Variants in CD163L1 observed in about 807,000 individuals in gnomAD.
CD163L1 encodes scavenger receptor cysteine-rich type 1 protein M160.
Under a neutral mutation model 165.4 loss-of-function variants are expected in CD163L1, and 124 were observed. The ratio of observed to expected loss-of-function variants is 0.75; its 90% CI spans 0.65 to 0.87. CD163L1 has a LOEUF of 0.87. CD163L1 is among the 40% of genes least tolerant of loss of function. The pLI, the probability that CD163L1 is intolerant of heterozygous loss-of-function variation, is 0.00. For synonymous variants in CD163L1, 585 were observed against 662.2 expected (o/e 0.88, Z 1.79); for missense variants, 1,525 against 1,799.9 (o/e 0.85, Z 2.76).
chr12:7,370,126 C>T (rs780141724), intron 14 of CD163L1, among the ~76,000 whole-genome samples: 3 of 152,238 alleles, frequency 2.0e-5, no homozygotes, highest in African/African-American at 7.2e-5. Flanking sequence ...ACTTTACTCC[C>T]TGTAAGTATG....
chr12:7,325,107 T>C, the CD163L1 span, among the ~76,000 whole-genome samples: 4 of 152,220 alleles, frequency 2.6e-5, no homozygotes, highest in African/African-American at 9.6e-5. Context: ...CTACCTTAGA[T>C]CACATCTCTA....
chr12:7,421,876 T>C (rs955889264), intron 4 of CD163L1, among the ~76,000 whole-genome samples: 2 of 151,804 alleles, frequency 1.3e-5, no homozygotes, highest in Middle Eastern at 3.4e-3. Flanking sequence ...AAGAATGATA[T>C]AATGGAGAAT....
the CD163L1 span, among the ~76,000 whole-genome samples, chr12:7,325,367 C>T: frequency 3.3e-5 from 5 of 152,220 alleles, 1 homozygote; most frequent in Admixed American, 3.3e-4. Flanking sequence ...AAATGGTGGG[C>T]TGGGCACGGT....
At position 7,400,597 on chromosome 12, in the gene CD163L1, A is replaced by G. The variant is rs1947897602; in HGVS notation, c.1409-2013T>C. On this transcript the variant is annotated intron_variant, in intron 6 of 19. Transcript: ENST00000313599. This position sits in a 1 kb window ranked among gnomAD's most constrained non-coding sequence, Gnocchi z 4.1. ...TACAGGTGCAATCATAGCACCTTAC[A>G]GTCTCTATCTCCTGGGCTCAAGTGA... is the stretch of plus-strand genomic sequence containing the variant. Among the ~76,000 whole-genome samples the G allele has an allele frequency of 6.6e-6, 1 of 152,144 alleles. No individual in the cohort carries two copies. The highest frequency in any genetic ancestry group is 6.6e-5 in the Admixed American group (1 of 15,262).
chr12:7,426,307 G>A (rs1228433677), intron 4 of CD163L1, among the ~76,000 whole-genome samples: 1 of 152,056 alleles, frequency 6.6e-6, no homozygotes, highest in Non-Finnish European at 1.5e-5. Context: ...GGGGGGCAAG[G>A]GGAGGGAGAG....
chr12:7,417,886 G>A (rs146662694), intron 4 of CD163L1, among the ~76,000 whole-genome samples: 3,768 of 151,758 alleles, frequency 0.025, 65 homozygotes, highest in Middle Eastern at 0.044. Flanking sequence ...TTGTTATTGT[G>A]TCTCAAAACA....
At chr12:7,358,941 T>C (rs1337072906) in intron 18 of CD163L1, among the ~76,000 whole-genome samples, 1 of 151,750 alleles carries the variant, frequency 6.6e-6, no homozygotes, top group Non-Finnish European at 1.5e-5. Flanking sequence ...AACACTGTAA[T>C]AGAAACGAAG....
At chr12:7,443,982 G>T in intron 1 of CD163L1, 115 bp downstream of exon 1, 19 of 951,780 alleles carry the variant, frequency 2.0e-5, no homozygotes, top group South Asian at 1.3e-4. Context: ...TATTTCTCAT[G>T]TCCTGTTTTC....
intron 8 of CD163L1, among the ~76,000 whole-genome samples, chr12:7,384,522 T>A (rs753102383): frequency 5.3e-5 from 8 of 151,844 alleles, no homozygotes; most frequent in Non-Finnish European, 1.2e-4. Context: ...AAGCCCAAGA[T>A]AAAAAAATAA....
Position 7,440,019 on chromosome 12 carries a change from C to A in CD163L1, c.124+1135G>T, listed in dbSNP as rs887951124. On this transcript the variant is annotated intron_variant, in intron 2 of 19. Coordinates refer to ENST00000313599, the MANE Select transcript of CD163L1 (RefSeq NM_174941.6). ...CAGCTCCGCAAACCGCCGAGGAAAA[C>A]CCGCTGCGACACACACCCCAGCAGC... 9.3e-5 allele frequency: 130 copies of A among 1,402,620 alleles called. 2 individuals are homozygous for A. The Admixed American group carries it at 2.5e-3, about 27-fold the overall frequency. The allele number at this position is 1,402,620 out of a possible 1,614,324, so 86.9% of individuals were successfully genotyped here. A position where few individuals can be genotyped will look rare whatever the true frequency, so the allele number is the denominator to read the frequency against.
chr12:7,376,110 A>G (rs915150317), intron 9 of CD163L1, 96 bp from the exon 10 acceptor site: 1 of 1,069,134 alleles, frequency 9.4e-7, no homozygotes, highest in Admixed American at 2.7e-5. Flanking sequence ...ATTTTTCTCC[A>G]TTCATCATTA....
chr12:7,328,369 G>T, the CD163L1 span: 1 of 1,583,176 alleles, frequency 6.3e-7, no homozygotes, highest in Non-Finnish European at 8.6e-7. Context: ...TGGAGAGGAA[G>T]ATAGTTTGAT....
the CD163L1 span, among the ~76,000 whole-genome samples, chr12:7,320,236 T>G: frequency 1.1e-4 from 17 of 152,136 alleles, no homozygotes; most frequent in Admixed American, 2.0e-4. Context: ...TTTTAAAAAT[T>G]AAGAAAAGGC....
chr12:7,415,658 T>C (rs1948222734), intron 4 of CD163L1, among the ~76,000 whole-genome samples: 1 of 152,154 alleles, frequency 6.6e-6, no homozygotes, highest in Admixed American at 6.5e-5. Context: ...CTCCAACTTA[T>C]AAGTGAGAAC....
rs909156926 is a variant in CD163L1 at position 7,432,637 on chromosome 12, T to A, written c.545A>T (p.Asp182Val). ...FQERWGTICD[D>V]GWNLNTAAVV... is the part of the protein sequence containing the mutation. The stretch of plus-strand genomic sequence containing the variant: ...GGCAGCAGTATTCAAGTTCCACCCA[T>A]CATCACATATAGTTCCCCACCTTTC... Residue 182 changes from aspartate (D) to valine (V), a missense_variant, in exon 4 of 20, where the codon GAT becomes GTT. Asp to Val is a radical substitution (Grantham distance 152). Coordinates refer to ENST00000313599, the MANE Select transcript of CD163L1 (RefSeq NM_174941.6). This position sits in a 1 kb window ranked among gnomAD's most constrained non-coding sequence, Gnocchi z 4.2. 5 of 1,614,080 alleles carry A rather than the reference T, an allele frequency of 3.1e-6. No homozygotes were observed. The highest frequency in any genetic ancestry group is 4.2e-6 in the Non-Finnish European group (5 of 1,180,034).
In CD163L1 at chr12:7,379,270, C is replaced by T. The variant is rs764300940; in HGVS notation, c.2079G>A (p.Val693=). Residue 693 remains valine, a synonymous_variant, in exon 9 of 20, where the codon GTG becomes GTA. Coordinates refer to ENST00000313599, the MANE Select transcript of CD163L1 (RefSeq NM_174941.6). ...SDASDMELRL[V]GGSSRCAGKV... ...TTCCAGCACACCTGCTGCTTCCACC[C>T]ACAAGCCTCAGCTCCATATCCGATG... The T allele has an allele frequency of 2.5e-6, 4 of 1,613,972 alleles. No individual in the cohort carries two copies. Among genetic ancestry groups the T allele is most frequent in the Non-Finnish European group, 3.4e-6 (4 of 1,179,990 alleles).
intron 4 of CD163L1, among the ~76,000 whole-genome samples, chr12:7,426,856 G>A (rs1948552037): frequency 6.6e-6 from 1 of 152,186 alleles, no homozygotes; most frequent in South Asian, 2.1e-4. Context: ...AAATAGAGAT[G>A]GAAAAATGTA....
chr12:7,334,443 C>T, the CD163L1 span, among the ~76,000 whole-genome samples: 3 of 152,174 alleles, frequency 2.0e-5, no homozygotes, highest in Admixed American at 6.5e-5. Flanking sequence ...TTCAACAACC[C>T]TTCATGCTAA....
At chr12:7,357,657 T>C (rs1946805689) in intron 18 of CD163L1, 171 bp from the exon 19 acceptor site, 4 of 458,962 alleles carry the variant, frequency 8.7e-6, no homozygotes, top group Non-Finnish European at 1.6e-5. Context: ...ATAATTATCA[T>C]ATTTAAAAGG....
Sources: gnomAD v4.1 joint callset for allele counts (sites outside exome capture counted in the v4.1 genomes callset) on GRCh38, gnomAD v4.1.1 for gene constraint, Gnocchi (gnomAD v3.1) non-coding constraint, MANE v1.5 for transcripts, NCBI Gene and HGNC (gene_info 2026-07-23, HGNC 2026-07-21) for gene names.